TCF4: variants seen among roughly 807,000 people sequenced by gnomAD.
The protein encoded by TCF4 is SL3-3 enhancer factor 2.
A neutral mutation model predicts 82.1 loss-of-function variants in TCF4; 3 were observed. The observed-to-expected ratio is 0.04, with a 90% confidence interval of 0.02 to 0.09. TCF4 has a LOEUF of 0.09. Among genes scored for constraint, TCF4 ranks in the 10% least tolerant of loss-of-function variants. TCF4 has a pLI of 1.00. For synonymous variants in TCF4, 276 were observed against 309.6 expected (o/e 0.89, Z 1.14); for missense variants, 518 against 852.7 (o/e 0.61, Z 4.89).
intron 2 of TCF4, among the ~76,000 whole-genome samples, chr18:55,608,056 A>C (rs958249077): frequency 6.6e-6 from 1 of 152,226 alleles, no homozygotes; most frequent in Admixed American, 6.5e-5. Flanking sequence ...GCTGCGTGCC[A>C]CATGCTTCGT....
At chr18:55,631,051 G>GTTTTTTT (rs35757922) in intron 2 of TCF4, among the ~76,000 whole-genome samples, 1 of 142,300 alleles carries the variant, frequency 7.0e-6, no homozygotes, top group African/African-American at 2.6e-5. Flanking sequence ...AGAGCAATGG[G>GTTTTTTT]TTTTTTTTTT....
At chr18:55,415,742 G>C (rs1274965327) in intron 5 of TCF4, among the ~76,000 whole-genome samples, 3 of 152,110 alleles carry the variant, frequency 2.0e-5, no homozygotes, top group African/African-American at 7.2e-5. Context: ...AGTTTTCAAG[G>C]CCACAGTAGT....
chr18:55,240,933 C>T (rs1483619779), intron 15 of TCF4, among the ~76,000 whole-genome samples: 1 of 152,188 alleles, frequency 6.6e-6, no homozygotes, highest in Non-Finnish European at 1.5e-5. Flanking sequence ...TTTCCAGAAA[C>T]ATCACAGCTT....
chr18:55,624,072 T>C (rs1322102957), intron 2 of TCF4, among the ~76,000 whole-genome samples: 1 of 152,198 alleles, frequency 6.6e-6, no homozygotes, highest in Non-Finnish European at 1.5e-5. Context: ...TTAAATTGCT[T>C]TCATCAGGTA....
intron 8 of TCF4, among the ~76,000 whole-genome samples, chr18:55,298,459 G>A (rs891172466): frequency 2.9e-4 from 44 of 152,080 alleles, no homozygotes; most frequent in Admixed American, 2.7e-3. Context: ...CATATACTAC[G>A]GTTTTTTTGC....
intron 3 of TCF4, among the ~76,000 whole-genome samples, chr18:55,549,796 T>G (rs1022744825): frequency 6.6e-6 from 1 of 152,216 alleles, no homozygotes; most frequent in East Asian, 1.9e-4. Context: ...GATAGGAATT[T>G]TTCAGCTCCA....
At chr18:55,497,003 A>G (rs1042329602) in intron 3 of TCF4, among the ~76,000 whole-genome samples, 2 of 152,128 alleles carry the variant, frequency 1.3e-5, no homozygotes, top group African/African-American at 4.8e-5. Flanking sequence ...GATACTCGTA[A>G]GGCAAAAAAA....
At chr18:55,229,238 G>A in intron 17 of TCF4, 162 bp from the exon 18 acceptor site, 2 of 752,560 alleles carry the variant, frequency 2.7e-6, no homozygotes, top group Non-Finnish European at 4.6e-6. Context: ...GGTTTAGATG[G>A]CTTTGACAGT....
chr18:55,457,710 T>C (rs2095792984), intron 5 of TCF4, among the ~76,000 whole-genome samples: 2 of 152,160 alleles, frequency 1.3e-5, no homozygotes. Context: ...TAAAACACTT[T>C]ATTACTCTTA....
intron 3 of TCF4, among the ~76,000 whole-genome samples, chr18:55,549,129 C>G (rs987540176): frequency 6.6e-6 from 1 of 151,984 alleles, no homozygotes; most frequent in Non-Finnish European, 1.5e-5. Context: ...GGCAAAACCC[C>G]GTCACCACAA....
chr18:55,238,768 C>G (rs1435469310), intron 15 of TCF4, among the ~76,000 whole-genome samples: 3 of 151,934 alleles, frequency 2.0e-5, no homozygotes, highest in African/African-American at 4.9e-5. Context: ...TGGACTCTTT[C>G]TTCATGATAC....
At chr18:55,486,953 A>T (rs988888152) in intron 3 of TCF4, among the ~76,000 whole-genome samples, 4 of 152,182 alleles carry the variant, frequency 2.6e-5, no homozygotes, top group African/African-American at 4.8e-5. Context: ...CAGGTTCCCT[A>T]ACTTCAGCAA....
At chr18:55,373,457 A>C (rs1488507657) in intron 6 of TCF4, among the ~76,000 whole-genome samples, 1 of 152,134 alleles carries the variant, frequency 6.6e-6, no homozygotes, top group Non-Finnish European at 1.5e-5. Context: ...TAGAACAAAT[A>C]TCTCTCAGAA....
chr18:55,569,223 AAAG>A (rs1439960956), intron 3 of TCF4, among the ~76,000 whole-genome samples: 1 of 152,060 alleles, frequency 6.6e-6, no homozygotes, highest in African/African-American at 2.4e-5. Flanking sequence ...AAAAAAAAAA[AAAG>A]GCCAAGTATT....
At chr18:55,287,948 A>T (rs560022731) in intron 8 of TCF4, among the ~76,000 whole-genome samples, 1 of 152,236 alleles carries the variant, frequency 6.6e-6, no homozygotes, top group Admixed American at 6.5e-5. Context: ...CAAGGGGGAA[A>T]AAAAACCCTG....
chr18:55,446,727 G>A (rs527241456), intron 5 of TCF4, among the ~76,000 whole-genome samples: 2 of 152,278 alleles, frequency 1.3e-5, no homozygotes, highest in South Asian at 2.1e-4. Flanking sequence ...ACTCACGCCT[G>A]TAATCCCAGT....
intron 8 of TCF4, among the ~76,000 whole-genome samples, chr18:55,280,336 T>G (rs935521623): frequency 5.9e-5 from 9 of 152,260 alleles, no homozygotes; most frequent in Admixed American, 1.3e-4. Context: ...TACAATAAAC[T>G]TAAAAAGTGT....
At chr18:55,423,260 G>A (rs945993480) in intron 5 of TCF4, among the ~76,000 whole-genome samples, 6 of 151,642 alleles carry the variant, frequency 4.0e-5, no homozygotes, top group Non-Finnish European at 7.4e-5. Flanking sequence ...TATTGGCTCC[G>A]TTACAAAAAA....
chr18:55,418,181 T>C (rs2958163), intron 5 of TCF4, among the ~76,000 whole-genome samples: 87,640 of 151,854 alleles, frequency 0.58, 27,248 homozygotes, highest in East Asian at 0.83. Context: ...GATGTTAAGA[T>C]TCATTTCCCT....
Sources: allele counts gnomAD v4.1 joint callset (sites outside exome capture counted in the v4.1 genomes callset), GRCh38; gene constraint gnomAD v4.1.1; transcripts MANE v1.5; gene names NCBI Gene and HGNC (gene_info 2026-07-23, HGNC 2026-07-21).